DNAJC1: variants seen among roughly 807,000 people sequenced by gnomAD.
DNAJC1 encodes DnaJ heat shock protein family (Hsp40) member C1.
A neutral mutation model predicts 76.6 loss-of-function variants in DNAJC1; 58 were observed. The observed-to-expected ratio is 0.76, with a 90% CI of 0.61 to 0.94. DNAJC1 has a LOEUF of 0.94. Ranked by LOEUF, DNAJC1 falls within the 40% of genes least tolerant of loss-of-function variation. The probability of loss-of-function intolerance (pLI) is 0.00; values close to 1 mark genes in which losing one functional copy is unlikely to be tolerated. For missense variants in DNAJC1, 689 were observed against 677.3 expected (o/e 1.02, Z -0.19); for synonymous variants, 258 against 267.9 (o/e 0.96, Z 0.36).
intron 8 of DNAJC1, among the ~76,000 whole-genome samples, chr10:21,836,214 T>G (rs538896249): frequency 1.1e-4 from 16 of 152,272 alleles, no homozygotes; most frequent in Admixed American, 5.9e-4. Context: ...GAATTTCATA[T>G]CCAGCCAAAC....
intron 9 of DNAJC1, among the ~76,000 whole-genome samples, chr10:21,781,507 G>A (rs1834526901): frequency 1.3e-5 from 2 of 152,060 alleles, no homozygotes; most frequent in African/African-American, 4.8e-5. Context: ...AGATCACGAG[G>A]TCAGGAGATC....
chr10:21,911,701 C>T (rs564337792), intron 6 of DNAJC1, among the ~76,000 whole-genome samples: 4 of 152,258 alleles, frequency 2.6e-5, no homozygotes, highest in Non-Finnish European at 5.9e-5. Context: ...CTACAGATGT[C>T]CCCAACTTAA....
chr10:21,899,759 T>C (rs1022880510), intron 7 of DNAJC1, among the ~76,000 whole-genome samples: 2 of 152,296 alleles, frequency 1.3e-5, no homozygotes, highest in East Asian at 1.9e-4. Context: ...TTTGGTAGAA[T>C]AGGTATCCTG....
chr10:21,871,341 A>G lies in DNAJC1; in HGVS notation c.978+10941T>C, dbSNP rs942381786. ...ACATTAAGGCTATGTAGAAGCGGGG[A>G]AAAAAAAAAAAAAAAAAGGTTAAGG... On this transcript the variant is annotated intron_variant, in intron 8 of 11. Transcript: ENST00000376980. Among the ~76,000 whole-genome samples the G allele has an allele frequency of 9.4e-4, 121 of 128,240 alleles. 2 individuals are homozygous for G. Among genetic ancestry groups the G allele is most frequent in the South Asian group, 6.8e-3 (28 of 4,138 alleles). The allele number at this position is 128,240 out of a possible 152,430, so 84.1% of individuals were successfully genotyped here.
At chr10:21,848,589 T>C (rs1835698824) in intron 8 of DNAJC1, among the ~76,000 whole-genome samples, 2 of 152,160 alleles carry the variant, frequency 1.3e-5, no homozygotes. Context: ...AGAAAGAAGA[T>C]AAATAGGGAA....
At chr10:21,887,039 A>G (rs1836378319) in intron 7 of DNAJC1, among the ~76,000 whole-genome samples, 2 of 152,190 alleles carry the variant, frequency 1.3e-5, no homozygotes, top group African/African-American at 4.8e-5. Context: ...ATCTTCAGCA[A>G]AGTTTCAGGA....
intron 8 of DNAJC1, among the ~76,000 whole-genome samples, chr10:21,824,859 T>C (rs1032630710): frequency 1.3e-5 from 2 of 152,174 alleles, no homozygotes; most frequent in Non-Finnish European, 2.9e-5. Context: ...CTGCAACCTC[T>C]GCTTCCTGGA....
intron 1 of DNAJC1, among the ~76,000 whole-genome samples, chr10:21,987,119 T>C (rs1437775949): frequency 6.6e-6 from 1 of 152,132 alleles, no homozygotes; most frequent in Non-Finnish European, 1.5e-5. Context: ...TTTCTGATAG[T>C]TAAAGTGAAA....
chr10:21,795,028 T>C (rs1834736329), intron 9 of DNAJC1, among the ~76,000 whole-genome samples: 1 of 152,106 alleles, frequency 6.6e-6, no homozygotes, highest in East Asian at 1.9e-4. Flanking sequence ...TCAAAAAGTT[T>C]TGGAATTTTG....
At position 21,977,333 on chromosome 10, in the gene DNAJC1, CTAAT is replaced by C. The variant is rs746479180; in HGVS notation, c.222+25876_222+25879del. On this transcript the variant is annotated intron_variant, in intron 1 of 11. Transcript: ENST00000376980. Reference sequence around the variant, plus strand: ...AGCTAAAAGCTGCAATTTAGATAGTCTAATTAATCTACAAAGCTCAGTTTCTATA... The same window carrying C: ...AGCTAAAAGCTGCAATTTAGATAGTCTAATCTACAAAGCTCAGTTTCTATA... Among the ~76,000 whole-genome samples, 28 of 152,170 alleles carry C rather than the reference CTAAT, an allele frequency of 1.8e-4. No individual in the cohort carries two copies. The East Asian group carries it at 2.9e-3, about 16-fold the overall frequency.
intron 9 of DNAJC1, among the ~76,000 whole-genome samples, chr10:21,783,251 C>A (rs141425506): frequency 3.9e-5 from 6 of 152,162 alleles, no homozygotes; most frequent in African/African-American, 1.4e-4. Context: ...TTCTTATACA[C>A]CAATAACAGA....
At chr10:21,976,861 T>C (rs1838074346) in intron 1 of DNAJC1, among the ~76,000 whole-genome samples, 1 of 152,164 alleles carries the variant, frequency 6.6e-6, no homozygotes, top group Non-Finnish European at 1.5e-5. Flanking sequence ...AGCTTCTGCC[T>C]TTCTCTAAGT....
chr10:21,799,118 A>G (rs1365783069), intron 9 of DNAJC1, among the ~76,000 whole-genome samples: 1 of 152,240 alleles, frequency 6.6e-6, no homozygotes, highest in Non-Finnish European at 1.5e-5. Flanking sequence ...TGTTTAAAAT[A>G]TAAAAAACCA....
chr10:21,937,544 T>C (rs746946626), intron 1 of DNAJC1, among the ~76,000 whole-genome samples: 2 of 152,072 alleles, frequency 1.3e-5, no homozygotes, highest in Admixed American at 6.5e-5. Flanking sequence ...CCACTTTTAA[T>C]AATGACTGGA....
At chr10:21,817,569 A>G (rs189931920) in intron 8 of DNAJC1, among the ~76,000 whole-genome samples, 1 of 152,200 alleles carries the variant, frequency 6.6e-6, no homozygotes, top group Non-Finnish European at 1.5e-5. Context: ...TGATTTTCTT[A>G]AGACCTCCTA....
chr10:21,854,437 T>C (rs142220625), intron 8 of DNAJC1, among the ~76,000 whole-genome samples: 10 of 151,966 alleles, frequency 6.6e-5, no homozygotes, highest in South Asian at 2.1e-4. Flanking sequence ...AAGCATTTAA[T>C]ACACTATAAC....
intron 1 of DNAJC1, among the ~76,000 whole-genome samples, chr10:21,981,413 T>C (rs1202853419): frequency 6.6e-6 from 1 of 152,188 alleles, no homozygotes; most frequent in Non-Finnish European, 1.5e-5. Flanking sequence ...TCATATCTGA[T>C]TGGAAGAGCA....
intron 9 of DNAJC1, chr10:21,804,021 T>A: frequency 1.0e-6 from 1 of 965,048 alleles, no homozygotes; most frequent in Non-Finnish European, 1.2e-6. Flanking sequence ...GGGATGAATT[T>A]GCAAAAGTTT....
At position 21,794,284 on chromosome 10, in the gene DNAJC1, A is replaced by G. The variant is rs577717707; in HGVS notation, c.1098+11696T>C. ...CTATCTTCAAAAAAAAAAAAAAAAA[A>G]AGAGAGAGAGAGAGAGAAAAGAAAA... On this transcript the variant is annotated intron_variant, in intron 9 of 11. Coordinates refer to ENST00000376980, the MANE Select transcript of DNAJC1 (RefSeq NM_022365.4). Among the ~76,000 whole-genome samples, 43 of 149,608 alleles carry G rather than the reference A, an allele frequency of 2.9e-4. No homozygotes were observed. The East Asian group carries it at 4.5e-3, about 16-fold the overall frequency.
Sources: allele counts gnomAD v4.1 joint callset (sites outside exome capture counted in the v4.1 genomes callset), GRCh38; gene constraint gnomAD v4.1.1; transcripts MANE v1.5; gene names NCBI Gene and HGNC (gene_info 2026-07-23, HGNC 2026-07-21).